The following TMEM135 variants were observed in gnomAD, a reference collection of about 807,000 sequenced individuals.
The protein encoded by TMEM135 is peroxisomal membrane protein 52.
TMEM135 carries 30 observed loss-of-function variants against 60.3 expected under a neutral mutation model. That is an observed-to-expected ratio of 0.50 (90% confidence interval 0.37 to 0.68). The LOEUF (loss-of-function observed/expected upper bound fraction) is 0.68. TMEM135 is among the 30% of genes least tolerant of loss of function. The pLI, the probability that TMEM135 is intolerant of heterozygous loss-of-function variation, is 0.00. For missense variants in TMEM135, 468 were observed against 548.8 expected (o/e 0.85, Z 1.47); for synonymous variants, 190 against 186.7 (o/e 1.02, Z -0.14).
chr11:87,304,355 G>A (rs1034270653), intron 8 of TMEM135, among the ~76,000 whole-genome samples: 3 of 152,072 alleles, frequency 2.0e-5, no homozygotes, highest in Non-Finnish European at 2.9e-5. Context: ...ACTCCAGCTT[G>A]GGTGACAGAG....
At chr11:87,298,840 C>G (rs182404796) in intron 7 of TMEM135, among the ~76,000 whole-genome samples, 1 of 147,478 alleles carries the variant, frequency 6.8e-6, no homozygotes. Flanking sequence ...GTAATCCCAG[C>G]ACTTTGGGAG....
chr11:87,037,990 C>G lies in TMEM135; in HGVS notation c.-56C>G, dbSNP rs750026199. ...AGGCTGGCGGCTGGGCTCTCGCGCC[C>G]CTCCCTGCAGGGCTCAGGCTCTCCC... is the stretch of plus-strand genomic sequence containing the variant. On this transcript the variant is annotated 5_prime_UTR_variant, in exon 1 of 15. Transcript: ENST00000305494. The G allele has an allele frequency of 1.2e-6, 2 of 1,610,052 alleles. No homozygotes were observed. Among genetic ancestry groups the G allele is most frequent in the Non-Finnish European group, 1.7e-6 (2 of 1,179,764 alleles).
intron 1 of TMEM135, among the ~76,000 whole-genome samples, chr11:87,066,707 T>C (rs189223799): frequency 1.9e-3 from 287 of 152,084 alleles, no homozygotes; most frequent in Non-Finnish European, 3.0e-3. Context: ...TTCTGCAGTC[T>C]TTTGTATTGG....
chr11:87,158,748 G>T (rs928533357), intron 5 of TMEM135, among the ~76,000 whole-genome samples: 27 of 152,166 alleles, frequency 1.8e-4, no homozygotes, highest in Non-Finnish European at 4.4e-5. Context: ...ACAGGCGTGA[G>T]CCACCGCGCC....
At chr11:87,074,428 A>T (rs914269034) in intron 3 of TMEM135, among the ~76,000 whole-genome samples, 4 of 150,742 alleles carry the variant, frequency 2.7e-5, no homozygotes, top group African/African-American at 9.7e-5. Flanking sequence ...CAATAGAAAA[A>T]CTGTGTATAT....
intron 5 of TMEM135, among the ~76,000 whole-genome samples, chr11:87,173,614 A>T (rs1939296947): frequency 6.6e-6 from 1 of 152,168 alleles, no homozygotes; most frequent in South Asian, 2.1e-4. Flanking sequence ...TCTGCCACAA[A>T]ATAAGCCTAT....
intron 4 of TMEM135, chr11:87,096,230 T>C: frequency 3.4e-6 from 1 of 290,278 alleles, no homozygotes; most frequent in Non-Finnish European, 6.9e-6. Context: ...TATTGATGTC[T>C]GCAGATACAC....
chr11:87,285,270 T>A (rs1425724316), intron 6 of TMEM135, among the ~76,000 whole-genome samples: 1 of 152,156 alleles, frequency 6.6e-6, no homozygotes, highest in Non-Finnish European at 1.5e-5. Flanking sequence ...TTTACGTGGG[T>A]TTTTAAAAAC....
Position 87,324,415 on chromosome 11 carries a change from C to T in TMEM135, c.*3082C>T, listed in dbSNP as rs921645168. ...TAGCCCAGAGATTCCTTAAATTCTC[C>T]GTGTGATTTATTTTTTTATTTTTTG... On this transcript the variant is annotated 3_prime_UTR_variant, in exon 15 of 15. Transcript: ENST00000305494. 29 of 453,602 alleles carry T rather than the reference C, an allele frequency of 6.4e-5. 1 individual carries two copies. Among genetic ancestry groups the T allele is most frequent in the Non-Finnish European group, 1.2e-4 (28 of 226,696 alleles). 28.1% of individuals were successfully genotyped at this position (453,602 alleles called of 1,614,324 possible). A position where few individuals can be genotyped will look rare whatever the true frequency, so the allele number is the denominator to read the frequency against.
intron 4 of TMEM135, among the ~76,000 whole-genome samples, chr11:87,154,385 G>A (rs968209748): frequency 6.6e-6 from 1 of 152,076 alleles, no homozygotes; most frequent in African/African-American, 2.4e-5. Flanking sequence ...ATTCATTGAT[G>A]GACACTTGGG....
intron 4 of TMEM135, among the ~76,000 whole-genome samples, chr11:87,135,045 A>C (rs990449694): frequency 6.6e-6 from 1 of 152,200 alleles, no homozygotes; most frequent in African/African-American, 2.4e-5. Flanking sequence ...TTCTCAGTGA[A>C]CTGTCTTTTC....
intron 4 of TMEM135, among the ~76,000 whole-genome samples, chr11:87,102,420 CAA>C (rs1479672375): frequency 6.6e-6 from 1 of 152,054 alleles, no homozygotes; most frequent in Non-Finnish European, 1.5e-5. Context: ...AAAAGTCTGA[CAA>C]GAGCAAATGT....
At chr11:87,086,628 G>C (rs568591764) in intron 3 of TMEM135, among the ~76,000 whole-genome samples, 53 of 151,990 alleles carry the variant, frequency 3.5e-4, no homozygotes, top group African/African-American at 1.3e-3. Context: ...CTTGCTGATT[G>C]GTTTGTGAGT....
At chr11:87,157,788 T>C in intron 5 of TMEM135, 1 of 175,050 alleles carries the variant, frequency 5.7e-6, no homozygotes. Context: ...TGTTGAACAT[T>C]TACTACACGT....
intron 1 of TMEM135, among the ~76,000 whole-genome samples, chr11:87,042,258 CCT>C (rs1259830995): frequency 6.6e-6 from 1 of 152,148 alleles, no homozygotes; most frequent in Non-Finnish European, 1.5e-5. Flanking sequence ...TTCTTCTTGG[CCT>C]CTCTGTCTAA....
chr11:87,069,060 T>TTGGGAGGTGGAGGCAGA (rs199619942), intron 2 of TMEM135, among the ~76,000 whole-genome samples: 1 of 150,656 alleles, frequency 6.6e-6, no homozygotes, highest in Non-Finnish European at 1.5e-5. Flanking sequence ...TCCTAGCACT[T>TTGGGAGGTGGAGGCAGA]TGGATCACGA....
intron 6 of TMEM135, among the ~76,000 whole-genome samples, chr11:87,266,534 G>A (rs1941750632): frequency 1.3e-5 from 2 of 152,084 alleles, no homozygotes; most frequent in African/African-American, 4.8e-5. Flanking sequence ...TCAAGGATTG[G>A]TTCTAGTCTC....
intron 7 of TMEM135, among the ~76,000 whole-genome samples, chr11:87,301,303 A>C (rs1942444338): frequency 6.6e-6 from 1 of 151,960 alleles, no homozygotes; most frequent in Non-Finnish European, 1.5e-5. Context: ...GCCTAGGCTG[A>C]AGTGCAGTGG....
At chr11:87,166,053 C>T (rs1018793426) in intron 5 of TMEM135, among the ~76,000 whole-genome samples, 1 of 151,336 alleles carries the variant, frequency 6.6e-6, no homozygotes, top group Non-Finnish European at 1.5e-5. Context: ...GAAGTTGAAT[C>T]TCTGAATAGA....
Sources: allele counts gnomAD v4.1 joint callset (sites outside exome capture counted in the v4.1 genomes callset), GRCh38; gene constraint gnomAD v4.1.1; transcripts MANE v1.5; gene names NCBI Gene and HGNC (gene_info 2026-07-23, HGNC 2026-07-21).